Variants in TAF4B observed in about 807,000 individuals in gnomAD.
The protein encoded by TAF4B is TATA-box binding protein associated factor 4b, also known as transcription initiation factor TFIID subunit 4B.
A neutral mutation model predicts 86.4 loss-of-function variants in TAF4B; 38 were observed. The observed-to-expected ratio is 0.44, with a 90% CI of 0.34 to 0.58. The LOEUF (loss-of-function observed/expected upper bound fraction) is 0.58. TAF4B is among the 20% of genes least tolerant of loss of function. TAF4B has a pLI of 0.02. For missense variants in TAF4B, 988 were observed against 1,027.6 expected (o/e 0.96, Z 0.53); for synonymous variants, 388 against 391.2 (o/e 0.99, Z 0.10).
intron 1 of TAF4B, among the ~76,000 whole-genome samples, chr18:26,236,255 T>C (rs1270445991): frequency 1.3e-5 from 2 of 152,144 alleles, no homozygotes; most frequent in Non-Finnish European, 2.9e-5. Flanking sequence ...CAATTACAAC[T>C]GAGAAGGTGG....
chr18:26,321,602 T>A (rs1177102170), intron 11 of TAF4B, among the ~76,000 whole-genome samples: 1 of 151,648 alleles, frequency 6.6e-6, no homozygotes, highest in Non-Finnish European at 1.5e-5. Flanking sequence ...TTAAAATAAA[T>A]TTTATTGTAT....
chr18:26,347,887 G>A (rs2057213075), intron 13 of TAF4B, among the ~76,000 whole-genome samples: 1 of 152,150 alleles, frequency 6.6e-6, no homozygotes, highest in Non-Finnish European at 1.5e-5. Flanking sequence ...ATATATATGT[G>A]TACCCAACAC....
chr18:26,280,505 G>C (rs1311179724), intron 5 of TAF4B, among the ~76,000 whole-genome samples: 1 of 152,088 alleles, frequency 6.6e-6, no homozygotes, highest in African/African-American at 2.4e-5. Flanking sequence ...AACATGAACA[G>C]ACATTTCTGA....
chr18:26,242,827 T>G (rs1436993313), intron 1 of TAF4B, among the ~76,000 whole-genome samples: 2 of 152,202 alleles, frequency 1.3e-5, no homozygotes, highest in Non-Finnish European at 2.9e-5. Context: ...AGGATTTTAT[T>G]TCTCCTTCAC....
intron 9 of TAF4B, among the ~76,000 whole-genome samples, chr18:26,308,402 A>G (rs2056818413): frequency 6.6e-6 from 1 of 152,216 alleles, no homozygotes; most frequent in Non-Finnish European, 1.5e-5. Context: ...ACTTTAGTGC[A>G]GAATAAACTG....
chr18:26,363,438 T>C (rs2057346433), intron 14 of TAF4B, among the ~76,000 whole-genome samples: 1 of 146,638 alleles, frequency 6.8e-6, no homozygotes, highest in Admixed American at 6.9e-5. Context: ...TCCAGCAACT[T>C]GGAGGGCTTA....
At chr18:26,377,197 A>AT (rs1307245642) in intron 14 of TAF4B, among the ~76,000 whole-genome samples, 1 of 152,090 alleles carries the variant, frequency 6.6e-6, no homozygotes, top group African/African-American at 2.4e-5. Flanking sequence ...TGGAGAATGG[A>AT]TTAGAAAGTG....
chr18:26,261,910 A>T (rs547537725), intron 1 of TAF4B, among the ~76,000 whole-genome samples: 1 of 152,124 alleles, frequency 6.6e-6, no homozygotes, highest in African/African-American at 2.4e-5. Context: ...TTAGGGAGAT[A>T]TTGGGAGCAG....
At position 26,229,263 on chromosome 18, in the gene TAF4B, GAGAA is replaced by G. The variant is rs145638691; in HGVS notation, c.343+1992_343+1995del. ...ACCTCTGAGAAACCCATACAAAAGA[GAGAA>G]AGAAGATAAGTTGTCTTTAGGAATT... On this transcript the variant is annotated intron_variant, in intron 1 of 14. Coordinates refer to ENST00000269142, the MANE Select transcript of TAF4B (RefSeq NM_005640.3). Among the ~76,000 whole-genome samples the G allele has an allele frequency of 4.8e-3, 730 of 152,278 alleles. 8 individuals are homozygous for G. The highest frequency in any genetic ancestry group is 0.017 in the African/African-American group (692 of 41,550).
intron 5 of TAF4B, among the ~76,000 whole-genome samples, 199 bp from the exon 6 acceptor site, chr18:26,281,772 T>G (rs1288350266): frequency 1.3e-5 from 2 of 152,234 alleles, no homozygotes; most frequent in Admixed American, 1.3e-4. Flanking sequence ...AAATCACCCC[T>G]TCATTGTATT....
At chr18:26,357,623 T>C in intron 13 of TAF4B, 67 bp from the exon 14 acceptor site, 1 of 1,071,136 alleles carries the variant, frequency 9.3e-7, no homozygotes, top group Non-Finnish European at 1.4e-6. Context: ...GGCTTAGTAA[T>C]CAGTTTCTTT....
At chr18:26,269,382 A>G (rs2056284629) in intron 3 of TAF4B, among the ~76,000 whole-genome samples, 1 of 152,280 alleles carries the variant, frequency 6.6e-6, no homozygotes, top group East Asian at 1.9e-4. Context: ...TCCCATACTC[A>G]TAGAGTATTG....
At chr18:26,339,090 G>C (rs1033270476) in intron 13 of TAF4B, among the ~76,000 whole-genome samples, 1 of 152,124 alleles carries the variant, frequency 6.6e-6, no homozygotes, top group African/African-American at 2.4e-5. Flanking sequence ...GGATATTCCT[G>C]TAATTCAAAC....
intron 13 of TAF4B, among the ~76,000 whole-genome samples, chr18:26,338,776 A>G (rs1015730644): frequency 6.6e-6 from 1 of 152,052 alleles, no homozygotes; most frequent in Non-Finnish European, 1.5e-5. Context: ...CTACGCCTGG[A>G]TCATTTCTCC....
chr18:26,292,700 T>C (rs1409368822), intron 8 of TAF4B, among the ~76,000 whole-genome samples: 2 of 152,126 alleles, frequency 1.3e-5, no homozygotes, highest in Non-Finnish European at 2.9e-5. Flanking sequence ...TTTTTGTATT[T>C]TTAGTAGAGA....
intron 13 of TAF4B, among the ~76,000 whole-genome samples, chr18:26,353,849 T>C (rs1314715083): frequency 6.6e-6 from 1 of 152,212 alleles, no homozygotes; most frequent in African/African-American, 2.4e-5. Context: ...AGTTTTAATT[T>C]TGATGCAGTC....
chr18:26,315,452 A>G, intron 10 of TAF4B, 54 bp downstream of exon 10: 1 of 1,408,180 alleles, frequency 7.1e-7, no homozygotes, highest in Non-Finnish European at 9.5e-7. Flanking sequence ...TTGAGGGAAA[A>G]TATTATCAAA....
At chr18:26,325,609 A>T (rs886503854) in intron 11 of TAF4B, among the ~76,000 whole-genome samples, 64 of 152,322 alleles carry the variant, frequency 4.2e-4, no homozygotes, top group Admixed American at 1.4e-3. Flanking sequence ...GCTAAAATTT[A>T]AAAAGTCTGT....
chr18:26,358,520 T>C lies in TAF4B; in HGVS notation c.2421+726T>C, dbSNP rs537420223. On this transcript the variant is annotated intron_variant, in intron 14 of 14. Transcript: ENST00000269142. ...GGTCAGGAGATCGAGACCATCCTGT[T>C]TAACACGGTGAAAACCTGTCTCTAC... Among the ~76,000 whole-genome samples, 55 of 152,162 alleles carry C rather than the reference T, an allele frequency of 3.6e-4. 1 individual carries two copies. Among genetic ancestry groups the C allele is most frequent in the Admixed American group, 1.6e-3 (25 of 15,282 alleles).
Sources: allele counts gnomAD v4.1 joint callset (sites outside exome capture counted in the v4.1 genomes callset), GRCh38; gene constraint gnomAD v4.1.1; transcripts MANE v1.5; gene names NCBI Gene and HGNC (gene_info 2026-07-23, HGNC 2026-07-21).